LTBP2: variants seen among roughly 807,000 people sequenced by gnomAD.
LTBP2 encodes the protein latent-transforming growth factor beta-binding protein 2.
A neutral mutation model predicts 210.6 loss-of-function variants in LTBP2; 103 were observed. The observed-to-expected ratio is 0.49, with a 90% CI of 0.42 to 0.58. LTBP2 has a LOEUF of 0.58. Ranked by LOEUF, LTBP2 falls within the 20% of genes least tolerant of loss-of-function variation. LTBP2 has a pLI of 0.00. For missense variants in LTBP2, 2,313 were observed against 2,494.5 expected (o/e 0.93, Z 1.55); for synonymous variants, 1,007 against 1,015.0 (o/e 0.99, Z 0.15).
chr14:74,592,067 G>A (rs1022522192), intron 2 of LTBP2, among the ~76,000 whole-genome samples: 1 of 152,204 alleles, frequency 6.6e-6, no homozygotes, highest in African/African-American at 2.4e-5. Context: ...GAAGTCCAGT[G>A]ACCCTTCGGG....
Position 74,586,060 on chromosome 14 carries a change from GAC to G in LTBP2, c.622_623del (p.Val208LeufsTer17). 1 of 1,602,264 alleles carries G rather than the reference GAC, an allele frequency of 6.2e-7. No individual in the cohort carries two copies. Among genetic ancestry groups the G allele is most frequent in the Non-Finnish European group, 8.5e-7 (1 of 1,174,776 alleles). ...GGGCTCCACGGAAACCAGAGCGGCA[GAC>G]ACAGAGCTGCGGGCGGCTGCAGGAG... ...RGSCSRPQLC[V>X]CRSGFRGARC... On this transcript the variant is annotated frameshift_variant, in exon 3 of 36. Coordinates refer to ENST00000261978, the MANE Select transcript of LTBP2 (RefSeq NM_000428.3). LOFTEE classifies it high-confidence loss of function. This position sits in a 1 kb window ranked among gnomAD's most constrained non-coding sequence, Gnocchi z 4.6.
chr14:74,581,133 G>A (rs2088131266), intron 3 of LTBP2, among the ~76,000 whole-genome samples: 1 of 152,178 alleles, frequency 6.6e-6, no homozygotes, highest in Non-Finnish European at 1.5e-5. Context: ...GACAGGCTTT[G>A]GGGCCAGATC....
At chr14:74,610,277 G>A (rs1398729718) in intron 1 of LTBP2, among the ~76,000 whole-genome samples, 2 of 152,208 alleles carry the variant, frequency 1.3e-5, no homozygotes, top group Non-Finnish European at 2.9e-5. Flanking sequence ...GAAAGAGGAT[G>A]GGGCACGGGT....
intron 2 of LTBP2, among the ~76,000 whole-genome samples, chr14:74,594,286 C>T (rs534502040): frequency 6.6e-6 from 1 of 152,220 alleles, no homozygotes; most frequent in Non-Finnish European, 1.5e-5. Context: ...TGCCCTCCAT[C>T]TATGACCCGT....
At chr14:74,596,262 T>A (rs1474036919) in intron 2 of LTBP2, among the ~76,000 whole-genome samples, 2 of 147,620 alleles carry the variant, frequency 1.4e-5, no homozygotes, top group Non-Finnish European at 3.0e-5. Flanking sequence ...AATAAATAAA[T>A]AAAAATTAAA....
intron 18 of LTBP2, among the ~76,000 whole-genome samples, chr14:74,513,420 G>A (rs2087096135): frequency 6.6e-6 from 1 of 152,222 alleles, no homozygotes. Context: ...ACAGAGACTG[G>A]CTATTCCTTT....
At chr14:74,546,750 C>T (rs1385588117) in intron 8 of LTBP2, among the ~76,000 whole-genome samples, 1 of 152,238 alleles carries the variant, frequency 6.6e-6, no homozygotes, top group African/African-American at 2.4e-5. Flanking sequence ...TGGGCTCTAG[C>T]CCTGTCTGAA....
At chr14:74,570,593 T>G (rs1178375751) in intron 3 of LTBP2, among the ~76,000 whole-genome samples, 2 of 152,112 alleles carry the variant, frequency 1.3e-5, no homozygotes, top group Non-Finnish European at 2.9e-5. Context: ...CCCAAATCTG[T>G]CAACCTATGA....
chr14:74,564,516 T>A (rs988458360), intron 3 of LTBP2, among the ~76,000 whole-genome samples: 1 of 147,022 alleles, frequency 6.8e-6, no homozygotes, highest in Non-Finnish European at 1.5e-5. Flanking sequence ...TGCCTCAGCC[T>A]CCTGAGTAGC....
chr14:74,582,110 C>T (rs946501028), intron 3 of LTBP2, among the ~76,000 whole-genome samples: 3 of 151,444 alleles, frequency 2.0e-5, no homozygotes, highest in Admixed American at 6.6e-5. Context: ...ACCTCCACCT[C>T]CTGGGTTCAA....
At chr14:74,530,328 A>G in intron 10 of LTBP2, among the ~76,000 whole-genome samples, 1 of 152,196 alleles carries the variant, frequency 6.6e-6, no homozygotes. Flanking sequence ...TATTGGGGAA[A>G]AGGGGCTCAT....
intron 3 of LTBP2, among the ~76,000 whole-genome samples, chr14:74,557,549 G>T (rs1019795900): frequency 6.6e-6 from 1 of 151,992 alleles, no homozygotes; most frequent in Non-Finnish European, 1.5e-5. Context: ...AATATTTCAG[G>T]TATTTATTTA....
rs532257624 is a variant in LTBP2, at chr14:74,608,636, G to A, written c.494+2815C>T. On this transcript the variant is annotated intron_variant, in intron 1 of 35. Coordinates refer to ENST00000261978, the MANE Select transcript of LTBP2 (RefSeq NM_000428.3). Reference sequence around the variant, plus strand: ...GAGGCACGAGAATTGCTTGAGCCTCGGGGGTGGAGGTTGTAGTGAACCGAA... The same window carrying A: ...GAGGCACGAGAATTGCTTGAGCCTCAGGGGTGGAGGTTGTAGTGAACCGAA... Among the ~76,000 whole-genome samples the A allele has an allele frequency of 8.6e-5, 13 of 151,618 alleles. No homozygotes were observed. The South Asian group carries it at 1.3e-3, about 15-fold the overall frequency.
chr14:74,502,526 C>T lies in LTBP2; in HGVS notation c.5170+127G>A, dbSNP rs542612337. The T allele has an allele frequency of 3.0e-6, 4 of 1,352,960 alleles. No individual in the cohort carries two copies. In the South Asian group the frequency reaches 4.8e-5, roughly 16 times the overall value. 83.8% of individuals were successfully genotyped at this position (1,352,960 alleles called of 1,614,324 possible). On this transcript the variant is annotated intron_variant, in intron 34 of 35. Coordinates refer to ENST00000261978, the MANE Select transcript of LTBP2 (RefSeq NM_000428.3). ...TCTCAAGCGAGCCGTGAACGGGGAC[C>T]TCTGGCTTGGTGTGTCTTTCCCCTT...
chr14:74,610,693 G>C (rs2088593212), intron 1 of LTBP2, among the ~76,000 whole-genome samples: 1 of 152,224 alleles, frequency 6.6e-6, no homozygotes, highest in Non-Finnish European at 1.5e-5. Context: ...GACGGCGCCC[G>C]CGGTGGGCAG....
intron 15 of LTBP2, among the ~76,000 whole-genome samples, chr14:74,524,618 G>A (rs537985563): frequency 4.0e-4 from 61 of 151,550 alleles, no homozygotes; most frequent in Non-Finnish European, 7.2e-4. Context: ...CCCGCCCCTC[G>A]CCCCCATCAC....
intron 14 of LTBP2, 63 bp from the exon 15 acceptor site, chr14:74,525,288 C>A (rs2087257891): frequency 1.1e-6 from 1 of 923,116 alleles, no homozygotes; most frequent in Middle Eastern, 2.5e-4. Flanking sequence ...GCCCTTCCCT[C>A]TTCCCTGGTG....
intron 3 of LTBP2, among the ~76,000 whole-genome samples, chr14:74,573,646 G>A (rs949403634): frequency 6.6e-6 from 1 of 152,170 alleles, no homozygotes; most frequent in Non-Finnish European, 1.5e-5. Context: ...GCTTGCCTAC[G>A]TAACTACCCT....
At position 74,586,111 on chromosome 14, in the gene LTBP2, G is replaced by A. The variant is rs981291591; in HGVS notation, c.573C>T (p.Cys191=). 26 of 1,592,328 alleles carry A rather than the reference G, an allele frequency of 1.6e-5. No homozygotes were observed. The highest frequency in any genetic ancestry group is 1.2e-4 in the African/African-American group (9 of 74,574). ...NSTNHCIKPV[C]EPPCQNRGSC... ...AGCCCCGGTTCTGGCACGGCGGCTC[G>A]CAAACGGCTGAGGACACAGGGAGAG... The change falls in exon 3 of 36, where the codon TGC becomes TGT. Residue 191 remains cysteine, a synonymous_variant. Coordinates refer to ENST00000261978, the MANE Select transcript of LTBP2 (RefSeq NM_000428.3). The surrounding 1 kb of genome is among the most constrained non-coding windows in gnomAD (Gnocchi z 4.6).
Sources: allele counts gnomAD v4.1 joint callset (sites outside exome capture counted in the v4.1 genomes callset), GRCh38; gene constraint gnomAD v4.1.1; non-coding constraint Gnocchi (gnomAD v3.1); transcripts MANE v1.5; gene names NCBI Gene and HGNC (gene_info 2026-07-23, HGNC 2026-07-21).